The following EML6 variants were observed in gnomAD, a reference collection of about 807,000 sequenced individuals.
EML6 encodes echinoderm microtubule-associated protein-like 6.
In EML6, 154 loss-of-function variants were observed where a neutral mutation model predicts 240.1. That is an observed-to-expected ratio of 0.64 (90% CI 0.56 to 0.73). The LOEUF (loss-of-function observed/expected upper bound fraction) is 0.73, where lower values mean the gene tolerates loss of function less well. EML6 is among the 30% of genes least tolerant of loss of function. The probability of loss-of-function intolerance (pLI) is 0.00; values close to 1 mark genes in which losing one functional copy is unlikely to be tolerated. For missense variants in EML6, 2,964 were observed against 2,474.6 expected (o/e 1.20, Z -4.20); for synonymous variants, 1,148 against 899.0 (o/e 1.28, Z -4.95).
intron 12 of EML6, among the ~76,000 whole-genome samples, chr2:54,861,770 T>G (rs1042959485): frequency 4.0e-5 from 5 of 125,834 alleles, no homozygotes; most frequent in African/African-American, 5.9e-5. Flanking sequence ...AGGTTTTTTG[T>G]TTTTTTTTTT....
chr2:54,888,652 T>A (rs980330273), intron 17 of EML6, among the ~76,000 whole-genome samples: 1 of 152,220 alleles, frequency 6.6e-6, no homozygotes, highest in African/African-American at 2.4e-5. Flanking sequence ...TTTTACTTAA[T>A]GATATATATT....
At chr2:54,914,162 G>A (rs1213427452) in intron 25 of EML6, among the ~76,000 whole-genome samples, 1 of 152,078 alleles carries the variant, frequency 6.6e-6, no homozygotes, top group Non-Finnish European at 1.5e-5. Flanking sequence ...ATGAATTTCA[G>A]AATATATACA....
At chr2:54,831,031 T>G (rs1668843925) in intron 7 of EML6, among the ~76,000 whole-genome samples, 1 of 152,168 alleles carries the variant, frequency 6.6e-6, no homozygotes, top group Non-Finnish European at 1.5e-5. Context: ...GGAAAAAACA[T>G]GCCAAACAGA....
chr2:54,913,203 T>C (rs2104299704), intron 25 of EML6, among the ~76,000 whole-genome samples: 1 of 152,138 alleles, frequency 6.6e-6, no homozygotes, highest in South Asian at 2.1e-4. Context: ...GCTGCTTGTA[T>C]GTCTTCTTTT....
chr2:54,739,695 T>G (rs1683548603), intron 2 of EML6, among the ~76,000 whole-genome samples: 1 of 152,182 alleles, frequency 6.6e-6, no homozygotes, highest in Admixed American at 6.5e-5. Context: ...TGTGAGAGCC[T>G]CAGGACATAC....
At chr2:54,836,580 C>A (rs1669156049) in intron 7 of EML6, among the ~76,000 whole-genome samples, 1 of 152,098 alleles carries the variant, frequency 6.6e-6, no homozygotes, top group South Asian at 2.1e-4. Context: ...GCTGAATGCC[C>A]ACTCTGTGGT....
chr2:54,919,224 A>C (rs987957691), intron 26 of EML6, among the ~76,000 whole-genome samples: 2 of 149,228 alleles, frequency 1.3e-5, no homozygotes, highest in African/African-American at 5.0e-5. Context: ...AGTGTTCCTA[A>C]CTTTCCTCTA....
At chr2:54,786,325 C>G (rs975104868) in intron 2 of EML6, among the ~76,000 whole-genome samples, 1 of 152,104 alleles carries the variant, frequency 6.6e-6, no homozygotes, top group Admixed American at 6.6e-5. Context: ...AGAAAGTACC[C>G]TGGACTGAGG....
intron 21 of EML6, among the ~76,000 whole-genome samples, chr2:54,896,945 C>T (rs1235983133): frequency 2.0e-5 from 3 of 152,210 alleles, no homozygotes; most frequent in East Asian, 3.8e-4. Context: ...TGCCTTGCAG[C>T]CAGGCTAGAG....
intron 2 of EML6, among the ~76,000 whole-genome samples, chr2:54,782,847 T>G (rs140560312): frequency 3.6e-4 from 55 of 152,310 alleles, no homozygotes; most frequent in African/African-American, 1.3e-3. Context: ...TGCCACCACT[T>G]GCCTACCGTG....
chr2:54,865,999 C>T (rs1016302439), intron 13 of EML6, among the ~76,000 whole-genome samples: 24 of 152,280 alleles, frequency 1.6e-4, no homozygotes, highest in African/African-American at 5.8e-4. Flanking sequence ...TCTTTAGATT[C>T]TAGAAGCTTG....
chr2:54,876,520 T>C (rs1285560822), intron 16 of EML6, among the ~76,000 whole-genome samples: 2 of 152,234 alleles, frequency 1.3e-5, no homozygotes, highest in Non-Finnish European at 2.9e-5. Flanking sequence ...CAAAATCAGC[T>C]TATCCTTAGG....
chr2:54,882,854 T>A (rs1671897369), intron 17 of EML6: 1 of 586 alleles, frequency 1.7e-3, no homozygotes, highest in Non-Finnish European at 6.0e-3. Context: ...CCAGACTCCG[T>A]CTCAAAAAAA....
chr2:54,860,686 G>C (rs1189525647), intron 12 of EML6, among the ~76,000 whole-genome samples: 2 of 152,186 alleles, frequency 1.3e-5, no homozygotes, highest in Non-Finnish European at 2.9e-5. Context: ...AGCAGAGGGG[G>C]CAAAGTATAT....
intron 2 of EML6, among the ~76,000 whole-genome samples, chr2:54,743,720 C>T (rs1285086710): frequency 6.6e-6 from 1 of 152,178 alleles, no homozygotes. Context: ...TCTTGTGCAA[C>T]TCCCACTATA....
Position 54,813,264 on chromosome 2 carries a change from C to T in EML6, c.230C>T (p.Ala77Val). The change falls in exon 3 of 42, where the codon GCA (alanine) becomes GTA (valine). Residue 77 changes from alanine (A) to valine (V), a missense_variant. By Grantham distance (64) the Ala-to-Val change is moderately conservative (BLOSUM62 0). Coordinates refer to ENST00000356458, the MANE Select transcript of EML6 (RefSeq NM_001039753.4). ...LALHPDKTLV[A>V]TGQVGKEPYI... ...TTACACCCAGACAAAACTCTCGTTG[C>T]AACTGGCCAAGTCGGGAAGGAGCCA... 6.4e-7 allele frequency: 1 copy of T among 1,550,652 alleles called. No individual in the cohort carries two copies. Among genetic ancestry groups the T allele is most frequent in the Non-Finnish European group, 8.7e-7 (1 of 1,146,442 alleles).
intron 2 of EML6, among the ~76,000 whole-genome samples, chr2:54,803,428 T>C (rs1190360107): frequency 1.3e-5 from 2 of 152,186 alleles, no homozygotes; most frequent in African/African-American, 4.8e-5. Flanking sequence ...TTTTCTCGGC[T>C]GTATCTTTGC....
intron 18 of EML6, among the ~76,000 whole-genome samples, chr2:54,891,802 TC>T (rs1237671997): frequency 6.6e-6 from 1 of 152,206 alleles, no homozygotes; most frequent in East Asian, 1.9e-4. Flanking sequence ...ACCCAGTATG[TC>T]TGGAGAGCCA....
chr2:54,958,592 G>C (rs1429260492), intron 33 of EML6, among the ~76,000 whole-genome samples: 2 of 152,144 alleles, frequency 1.3e-5, no homozygotes, highest in Non-Finnish European at 2.9e-5. Flanking sequence ...GCAAGCCCCA[G>C]AGGATATTGG....
Sources: allele counts gnomAD v4.1 joint callset (sites outside exome capture counted in the v4.1 genomes callset), GRCh38; gene constraint gnomAD v4.1.1; transcripts MANE v1.5; gene names NCBI Gene and HGNC (gene_info 2026-07-23, HGNC 2026-07-21).